The following CTTN variants were observed in gnomAD, a reference collection of about 807,000 sequenced individuals.
CTTN encodes cortactin, also known as src substrate cortactin.
In CTTN, 28 loss-of-function variants were observed where a neutral mutation model predicts 84.0. The observed-to-expected ratio is 0.33, with a 90% CI of 0.25 to 0.46. The LOEUF is 0.46. Ranked by LOEUF, CTTN falls within the 20% of genes least tolerant of loss-of-function variation. The pLI, the probability that CTTN is intolerant of heterozygous loss-of-function variation, is 1.00. For synonymous variants in CTTN, 301 were observed against 288.8 expected (o/e 1.04, Z -0.43); for missense variants, 641 against 723.8 (o/e 0.89, Z 1.31).
At chr11:70,405,453 T>C (rs1846523717) in intron 2 of CTTN, 92 bp downstream of exon 2, 1 of 152,218 alleles carries the variant, frequency 6.6e-6, no homozygotes, top group South Asian at 2.1e-4. Context: ...GGTTGCTGTT[T>C]CTGTGGATTT....
At chr11:70,413,670 C>T (rs2058121585) in intron 5 of CTTN, among the ~76,000 whole-genome samples, 1 of 152,256 alleles carries the variant, frequency 6.6e-6, no homozygotes, top group Non-Finnish European at 1.5e-5. Context: ...CTGATGGGGG[C>T]TGACGACATT....
At position 70,435,886 on chromosome 11, in the gene CTTN, T is replaced by C; in HGVS notation, c.*724T>C. The stretch of plus-strand genomic sequence containing the variant: ...CCGCCGGGCAGTGTCACTGAGTCCT[T>C]GAAATCCTCCCCTGCCCCGCGGGTC... On this transcript the variant is annotated 3_prime_UTR_variant, in exon 18 of 18. Coordinates refer to ENST00000301843, the MANE Select transcript of CTTN (RefSeq NM_005231.4). 1 of 1,489,426 alleles carries C rather than the reference T, an allele frequency of 6.7e-7. No homozygotes were observed. The highest frequency in any genetic ancestry group is 1.3e-5 in the South Asian group (1 of 77,108). The allele number at this position is 1,489,426 out of a possible 1,614,324, so 92.3% of individuals were successfully genotyped here. A position where few individuals can be genotyped will look rare whatever the true frequency, so the allele number is the denominator to read the frequency against.
intron 12 of CTTN, 114 bp from the exon 13 acceptor site, chr11:70,425,218 G>A: frequency 1.3e-6 from 1 of 782,830 alleles, no homozygotes; most frequent in Non-Finnish European, 2.2e-6. Context: ...TCTGGGCTGT[G>A]TGGCTGGGCC....
chr11:70,425,281 A>G (rs1345208914), intron 12 of CTTN, 51 bp from the exon 13 acceptor site: 5 of 1,445,742 alleles, frequency 3.5e-6, no homozygotes, highest in Non-Finnish European at 4.8e-6. Flanking sequence ...ACCACAGGGC[A>G]TGGAGAAAAG....
In CTTN at chr11:70,435,506, G is replaced by A. The variant is rs12858; in HGVS notation, c.*344G>A. ...ATTCTCTTGTGTTCGTGTTGCCCTC[G>A]TGCCCATCAAGTGCAGTCGGGACCT... On this transcript the variant is annotated 3_prime_UTR_variant, in exon 18 of 18. Transcript: ENST00000301843. 378 of 1,559,226 alleles carry A rather than the reference G, an allele frequency of 2.4e-4. 3 individuals carry two copies. The African/African-American group carries it at 4.2e-3, about 17-fold the overall frequency.
At position 70,421,473 on chromosome 11, in the gene CTTN, A is replaced by T. The variant is rs2058235700; in HGVS notation, c.794A>T (p.Tyr265Phe). The part of the protein sequence containing the change: ...KLQLHESQKD[Y>F]KTGFGGKFGV... ...ACCGTTGCTTGTGGATTTTCAGATTATAAGACTGGTTTTGGAGGCAAATTC... is the reference window on the plus strand; with the variant it reads ...ACCGTTGCTTGTGGATTTTCAGATTTTAAGACTGGTTTTGGAGGCAAATTC... Residue 265 changes from tyrosine to phenylalanine, a missense_variant, in exon 11 of 18, where the codon TAT becomes TTT. Tyr to Phe is a conservative substitution (Grantham distance 22). This residue lies in a region of CTTN where 284 missense variants were observed against 348.4 expected (regional missense o/e 0.82). Coordinates refer to ENST00000301843, the MANE Select transcript of CTTN (RefSeq NM_005231.4). 6.2e-7 allele frequency: 1 copy of T among 1,609,984 alleles called. No homozygotes were observed. Among genetic ancestry groups the T allele is most frequent in the Non-Finnish European group, 8.5e-7 (1 of 1,176,318 alleles).
chr11:70,414,391 T>A (rs1398226467), intron 5 of CTTN, 151 bp from the exon 6 acceptor site: 1 of 534,910 alleles, frequency 1.9e-6, no homozygotes, highest in South Asian at 2.5e-5. Flanking sequence ...CCAGGAGTCG[T>A]GTCGCCTTCC....
intron 4 of CTTN, among the ~76,000 whole-genome samples, 175 bp from the exon 5 acceptor site, chr11:70,409,656 A>ACCAG (rs1250582458): frequency 6.6e-6 from 1 of 152,220 alleles, no homozygotes; most frequent in East Asian, 1.9e-4. Flanking sequence ...AAGTGGGTGT[A>ACCAG]CCAGCCGGCA....
chr11:70,421,414 C>T, intron 10 of CTTN, 56 bp from the exon 11 acceptor site: 2 of 1,279,636 alleles, frequency 1.6e-6, no homozygotes, highest in East Asian at 2.3e-5. Flanking sequence ...GCAATTCTAA[C>T]CCAACTGTGT....
At chr11:70,428,581 A>G (rs1287897523) in intron 13 of CTTN, among the ~76,000 whole-genome samples, 1 of 152,070 alleles carries the variant, frequency 6.6e-6, no homozygotes, top group Non-Finnish European at 1.5e-5. Context: ...TCAACCTCCC[A>G]AAGTGCTGGG....
At chr11:70,403,179 A>G (rs1197834444) in intron 1 of CTTN, among the ~76,000 whole-genome samples, 1 of 148,642 alleles carries the variant, frequency 6.7e-6, no homozygotes, top group Non-Finnish European at 1.5e-5. Flanking sequence ...TTGAATTATA[A>G]GAGTTCCTTT....
rs1036740720 is a variant in CTTN at position 70,432,966 on chromosome 11, C to G, written c.1267-135C>G. On this transcript the variant is annotated intron_variant, in intron 15 of 17. Transcript: ENST00000301843. ...ACCGGCAGGCCTGGCCTTCCTATACCGCGTCTGTTTTCTCAGTCCTGGCTG... is the reference window on the plus strand; with the variant it reads ...ACCGGCAGGCCTGGCCTTCCTATACGGCGTCTGTTTTCTCAGTCCTGGCTG... 4 of 911,086 alleles carry G rather than the reference C, an allele frequency of 4.4e-6. No individual in the cohort carries two copies. In the African/African-American group the frequency reaches 6.7e-5, roughly 15 times the overall value. The allele number at this position is 911,086 out of a possible 1,614,324, so 56.4% of individuals were successfully genotyped here. A position where few individuals can be genotyped will look rare whatever the true frequency, so the allele number is the denominator to read the frequency against.
chr11:70,425,431 T>G, intron 13 of CTTN, 30 bp downstream of exon 13: 1 of 1,578,594 alleles, frequency 6.3e-7, no homozygotes, highest in East Asian at 2.2e-5. Flanking sequence ...AGGAGCACCG[T>G]GTGGTTTCCC....
Position 70,435,802 on chromosome 11 carries a change from C to T in CTTN, c.*640C>T, listed in dbSNP as rs1320751798. The T allele has an allele frequency of 6.4e-7, 1 of 1,571,814 alleles. No homozygotes were observed. The highest frequency in any genetic ancestry group is 8.6e-7 in the Non-Finnish European group (1 of 1,167,048). Reference sequence around the variant, plus strand: ...TGTGCCCACTCCGGCTTGTCCTCATCTCTACCCATCCCCTGATGCCCAGGT... The same window carrying T: ...TGTGCCCACTCCGGCTTGTCCTCATTTCTACCCATCCCCTGATGCCCAGGT... On this transcript the variant is annotated 3_prime_UTR_variant, in exon 18 of 18. Transcript: ENST00000301843.
chr11:70,429,826 A>G (rs1400957811), intron 14 of CTTN, among the ~76,000 whole-genome samples: 1 of 152,066 alleles, frequency 6.6e-6, no homozygotes, highest in African/African-American at 2.4e-5. Context: ...CAGCTGGATC[A>G]GGGGGGTTGT....
intron 1 of CTTN, among the ~76,000 whole-genome samples, chr11:70,403,227 T>C (rs1488092840): frequency 6.8e-6 from 1 of 147,168 alleles, no homozygotes; most frequent in Admixed American, 7.0e-5. Flanking sequence ...TCTCACTCTG[T>C]CGCCAGGCTG....
At position 70,435,190 on chromosome 11, in the gene CTTN, C is replaced by T. The variant is rs1409265139; in HGVS notation, c.*28C>T. 1.9e-6 allele frequency: 3 copies of T among 1,588,612 alleles called. No individual in the cohort carries two copies. Among genetic ancestry groups the T allele is most frequent in the Non-Finnish European group, 2.6e-6 (3 of 1,170,938 alleles). On this transcript the variant is annotated 3_prime_UTR_variant, in exon 18 of 18. Transcript: ENST00000301843. ...CCCCCAGCCCCCCCCCGGAGCTGCG[C>T]CCTGGATCCTCACACTACAGATCAG...
rs1203368229 is a variant in CTTN, at chr11:70,433,183, C to A, written c.1349C>A (p.Ala450Asp). The A allele has an allele frequency of 1.2e-6, 2 of 1,613,484 alleles. No homozygotes were observed. The highest frequency in any genetic ancestry group is 1.7e-6 in the Non-Finnish European group (2 of 1,180,004). ...CCGGAGCCCGTGTACAGCATGGAGG[C>A]CGCTGACTACCGAGAGGCCAGCAGC... ...TEPEPVYSME[A>D]ADYREASSQQ... Residue 450 changes from alanine (A) to aspartate (D), a missense_variant, in exon 16 of 18, where the codon GCC (alanine) becomes GAC (aspartate). By Grantham distance (126) the Ala-to-Asp change is moderately radical. This residue lies in a region of CTTN where 289 missense variants were observed against 273.1 expected (regional missense o/e 1.06). Coordinates refer to ENST00000301843, the MANE Select transcript of CTTN (RefSeq NM_005231.4).
Position 70,411,936 on chromosome 11 carries a change from G to GC in CTTN, c.291+1984dup, listed in dbSNP as rs965107591. Among the ~76,000 whole-genome samples, 65 of 151,774 alleles carry GC rather than the reference G, an allele frequency of 4.3e-4. No individual in the cohort carries two copies. In the South Asian group the frequency reaches 4.6e-3, roughly 11 times the overall value. On this transcript the variant is annotated intron_variant, in intron 5 of 17. Coordinates refer to ENST00000301843, the MANE Select transcript of CTTN (RefSeq NM_005231.4). Reference sequence around the variant, plus strand: ...CCTTGTGCCTGGCTCAGTGCCACGTGCCCCCCCCTTAGGCCAGTGCTCTCA... The same window carrying GC: ...CCTTGTGCCTGGCTCAGTGCCACGTGCCCCCCCCCTTAGGCCAGTGCTCTCA...
Sources: gnomAD v4.1 joint callset for allele counts (sites outside exome capture counted in the v4.1 genomes callset) on GRCh38, gnomAD v4.1.1 for gene constraint, gnomAD v4.1.1 regional missense constraint, MANE v1.5 for transcripts, NCBI Gene and HGNC (gene_info 2026-07-23, HGNC 2026-07-21) for gene names.